Variants in CNTNAP2 observed in about 807,000 individuals in gnomAD.
CNTNAP2 encodes contactin associated protein 2, also known as contactin-associated protein-like 2.
Under a neutral mutation model 155.2 loss-of-function variants are expected in CNTNAP2, and 98 were observed. That is an observed-to-expected ratio of 0.63 (90% CI 0.54 to 0.75). The LOEUF is 0.75. Among genes scored for constraint, CNTNAP2 ranks in the 30% least tolerant of loss-of-function variants. CNTNAP2 has a pLI of 0.00. For missense variants in CNTNAP2, 1,727 were observed against 1,688.1 expected (o/e 1.02, Z -0.40); for synonymous variants, 651 against 631.2 (o/e 1.03, Z -0.47).
rs1223819195 is a variant in CNTNAP2, at chr7:148,417,781, T to A, written c.*2165T>A. Reference sequence around the variant, plus strand: ...TATTTCTTGCAATTCCCATGATAGCTCTGTTCTTTATGCATTGTCTCAACA... The same window carrying A: ...TATTTCTTGCAATTCCCATGATAGCACTGTTCTTTATGCATTGTCTCAACA... On this transcript the variant is annotated 3_prime_UTR_variant, in exon 24 of 24. Coordinates refer to ENST00000361727, the MANE Select transcript of CNTNAP2 (RefSeq NM_014141.6). 1 of 152,220 alleles carries A rather than the reference T, an allele frequency of 6.6e-6. No homozygotes were observed. Among genetic ancestry groups the A allele is most frequent in the Non-Finnish European group, 1.5e-5 (1 of 68,038 alleles). The allele number at this position is 152,220 out of a possible 1,614,324, so 9.4% of individuals were successfully genotyped here.
At chr7:147,603,482 G>C (rs992501172) in intron 12 of CNTNAP2, among the ~76,000 whole-genome samples, 7 of 152,142 alleles carry the variant, frequency 4.6e-5, no homozygotes, top group East Asian at 1.9e-4. Flanking sequence ...TTGCTTCAAA[G>C]AGAATAAAAT....
rs1000477307 is a variant in CNTNAP2 at position 148,301,301 on chromosome 7, AAAAAAATATAT to A, written c.3475+34177_3475+34187del. Reference sequence around the variant, plus strand: ...AAGGCGAGACTCCGTCTAAAAAAAAAAAAAAATATATATATATATATAGGTTAAAATGTCCA... The same window carrying A: ...AAGGCGAGACTCCGTCTAAAAAAAAAATATATATATAGGTTAAAATGTCCA... On this transcript the variant is annotated intron_variant, in intron 21 of 23. Coordinates refer to ENST00000361727, the MANE Select transcript of CNTNAP2 (RefSeq NM_014141.6). Among the ~76,000 whole-genome samples the A allele has an allele frequency of 1.5e-4, 8 of 54,562 alleles. 1 individual carries two copies. The highest frequency in any genetic ancestry group is 3.7e-4 in the African/African-American group (8 of 21,670). The allele number at this position is 54,562 out of a possible 152,430, so 35.8% of individuals were successfully genotyped here.
intron 9 of CNTNAP2, among the ~76,000 whole-genome samples, chr7:147,305,419 T>A (rs1795010565): frequency 6.6e-6 from 1 of 152,156 alleles, no homozygotes; most frequent in Admixed American, 6.5e-5. Context: ...TGGAATACAC[T>A]CCATGAAAAG....
At chr7:147,365,783 G>C (rs1026842765) in intron 9 of CNTNAP2, among the ~76,000 whole-genome samples, 1 of 152,072 alleles carries the variant, frequency 6.6e-6, no homozygotes, top group African/African-American at 2.4e-5. Flanking sequence ...GTCACCCACT[G>C]TTTCCCATTG....
chr7:147,492,003 A>G (rs901846828), intron 11 of CNTNAP2, among the ~76,000 whole-genome samples: 2 of 152,322 alleles, frequency 1.3e-5, no homozygotes, highest in Middle Eastern at 3.4e-3. Context: ...TGTGAGAACT[A>G]TGACATTATA....
intron 1 of CNTNAP2, among the ~76,000 whole-genome samples, chr7:146,314,835 C>A (rs757392719): frequency 6.6e-6 from 1 of 152,128 alleles, no homozygotes; most frequent in Non-Finnish European, 1.5e-5. Context: ...GCAGGGGAGA[C>A]TTCTGGTCTG....
chr7:146,296,454 T>C (rs1433602766), intron 1 of CNTNAP2, among the ~76,000 whole-genome samples: 2 of 152,156 alleles, frequency 1.3e-5, no homozygotes, highest in South Asian at 2.1e-4. Flanking sequence ...ATTGACTTGT[T>C]GAGCATCAGG....
At chr7:146,313,727 G>A (rs1800863562) in intron 1 of CNTNAP2, among the ~76,000 whole-genome samples, 1 of 152,036 alleles carries the variant, frequency 6.6e-6, no homozygotes, top group Non-Finnish European at 1.5e-5. Context: ...GGCCTGGCAC[G>A]GTGGCTCACA....
At chr7:148,076,245 G>A (rs1245184582) in intron 15 of CNTNAP2, among the ~76,000 whole-genome samples, 1 of 151,968 alleles carries the variant, frequency 6.6e-6, no homozygotes, top group Non-Finnish European at 1.5e-5. Flanking sequence ...ATTTGGCAAT[G>A]ACTGGAGATA....
intron 11 of CNTNAP2, among the ~76,000 whole-genome samples, chr7:147,518,753 G>A (rs1055841623): frequency 2.6e-5 from 4 of 152,150 alleles, no homozygotes; most frequent in African/African-American, 9.7e-5. Flanking sequence ...AATTATGGCT[G>A]GGCGTGGTGG....
At chr7:146,430,635 G>C (rs1236106313) in intron 1 of CNTNAP2, among the ~76,000 whole-genome samples, 2 of 151,936 alleles carry the variant, frequency 1.3e-5, no homozygotes, top group Non-Finnish European at 2.9e-5. Flanking sequence ...CTAACTACAA[G>C]ATACTTTTAC....
chr7:147,961,275 A>T (rs1309223757), intron 14 of CNTNAP2, among the ~76,000 whole-genome samples: 2 of 152,166 alleles, frequency 1.3e-5, no homozygotes, highest in East Asian at 3.9e-4. Context: ...CCTTCTTCTA[A>T]ATAGTTGTGC....
rs566628371 is a variant in CNTNAP2, at chr7:146,295,422, A to G, written c.97+178449A>G. Among the ~76,000 whole-genome samples, 761 of 152,216 alleles carry G rather than the reference A, an allele frequency of 5.0e-3. 5 individuals are homozygous for G. Among genetic ancestry groups the G allele is most frequent in the Non-Finnish European group, 8.1e-3 (550 of 68,020 alleles). On this transcript the variant is annotated intron_variant, in intron 1 of 23. Transcript: ENST00000361727. ...CAGTTTTCTAGGCTGGCTGATCTTT[A>G]TAACTTGTTGTTCATAAAGATGTAT...
rs528711930 is a variant in CNTNAP2, at chr7:147,858,376, T to G, written c.2099-45189T>G. Reference sequence around the variant, plus strand: ...TGCTGGGATGACAGGCGTAAGCCACTGCGCCCGGCCTAATCAAAATGAAAA... The same window carrying G: ...TGCTGGGATGACAGGCGTAAGCCACGGCGCCCGGCCTAATCAAAATGAAAA... On this transcript the variant is annotated intron_variant, in intron 13 of 23. Transcript: ENST00000361727. Among the ~76,000 whole-genome samples the G allele has an allele frequency of 3.3e-5, 5 of 152,346 alleles. No homozygotes were observed. The East Asian group carries it at 9.7e-4, about 29-fold the overall frequency.
intron 3 of CNTNAP2, among the ~76,000 whole-genome samples, chr7:146,885,563 G>T (rs1432595104): frequency 6.6e-6 from 1 of 152,008 alleles, no homozygotes; most frequent in Non-Finnish European, 1.5e-5. Context: ...AGCAATACAT[G>T]ATAATTATAG....
intron 21 of CNTNAP2, among the ~76,000 whole-genome samples, chr7:148,330,481 CGGATGGAGTGGATGGAT>C (rs1484254702): frequency 4.6e-4 from 49 of 107,202 alleles, no homozygotes; most frequent in Admixed American, 2.0e-3. Context: ...ATGAAGTGGA[CGGATGGAGTGGATGGAT>C]GGATGGAGTG....
chr7:146,488,822 C>T lies in CNTNAP2; in HGVS notation c.98-285449C>T, dbSNP rs550168162. Among the ~76,000 whole-genome samples the T allele has an allele frequency of 2.8e-4, 42 of 152,190 alleles. No individual in the cohort carries two copies. The South Asian group carries it at 7.0e-3, about 26-fold the overall frequency. ...TTTTTGTGGAGACGGGGTTTCTCCACGTTGCCCAGGCTAGCCTCAAACTCC... is the reference window on the plus strand; with the variant it reads ...TTTTTGTGGAGACGGGGTTTCTCCATGTTGCCCAGGCTAGCCTCAAACTCC... On this transcript the variant is annotated intron_variant, in intron 1 of 23. Transcript: ENST00000361727.
At chr7:146,665,720 G>A (rs1022591824) in intron 1 of CNTNAP2, among the ~76,000 whole-genome samples, 1 of 136,566 alleles carries the variant, frequency 7.3e-6, no homozygotes, top group Non-Finnish European at 1.5e-5. Context: ...GGCGGAGGTG[G>A]CAGTGAGCCG....
At chr7:147,940,790 G>T (rs1232981902) in intron 14 of CNTNAP2, among the ~76,000 whole-genome samples, 1 of 152,026 alleles carries the variant, frequency 6.6e-6, no homozygotes, top group Non-Finnish European at 1.5e-5. Context: ...CTCCCACCTC[G>T]GGCACCAAAA....
Sources: allele counts gnomAD v4.1 joint callset (sites outside exome capture counted in the v4.1 genomes callset), GRCh38; gene constraint gnomAD v4.1.1; transcripts MANE v1.5; gene names NCBI Gene and HGNC (gene_info 2026-07-23, HGNC 2026-07-21).